The following KCND2 variants were observed in gnomAD, a reference collection of about 807,000 sequenced individuals.
The protein encoded by KCND2 is potassium voltage-gated channel subfamily D member 2.
KCND2 carries 16 observed loss-of-function variants against 54.4 expected under a neutral mutation model. The observed-to-expected ratio is 0.29, with a 90% CI of 0.20 to 0.45. The LOEUF is 0.45. Among genes scored for constraint, KCND2 ranks in the 20% least tolerant of loss-of-function variants. KCND2 has a pLI of 1.00. For synonymous variants in KCND2, 317 were observed against 310.7 expected (o/e 1.02, Z -0.21); for missense variants, 486 against 824.2 (o/e 0.59, Z 5.02).
rs532672151 is a variant in KCND2, at chr7:120,277,394, C to T, written c.1115+1647C>T. 2.6e-5 allele frequency among the ~76,000 whole-genome samples: 4 copies of T among 152,010 alleles called. No individual in the cohort carries two copies. In the South Asian group the frequency reaches 8.3e-4, roughly 32 times the overall value. On this transcript the variant is annotated intron_variant, in intron 1 of 5. Coordinates refer to ENST00000331113, the MANE Select transcript of KCND2 (RefSeq NM_012281.3). ...GTCTTGTCATTTTGTAGCAGGAGAT[C>T]CTTATTAAGGACAAATGGGTAGTGC...
chr7:120,506,714 G>A (rs1169976505), intron 1 of KCND2, among the ~76,000 whole-genome samples: 2 of 151,858 alleles, frequency 1.3e-5, no homozygotes, highest in African/African-American at 4.8e-5. Context: ...TAGGAAGCGA[G>A]TGATAAATAT....
intron 1 of KCND2, among the ~76,000 whole-genome samples, chr7:120,511,003 A>T (rs1250767112): frequency 7.8e-6 from 1 of 127,468 alleles, no homozygotes. Context: ...ACCTTTCCCC[A>T]TCTCTCTCTC....
At chr7:120,368,311 T>TAATG (rs1800716105) in intron 1 of KCND2, among the ~76,000 whole-genome samples, 2 of 152,084 alleles carry the variant, frequency 1.3e-5, no homozygotes, top group Non-Finnish European at 2.9e-5. Flanking sequence ...GTTTTTATTT[T>TAATG]TAATGTAAGT....
chr7:120,623,808 A>T (rs1459616215), intron 1 of KCND2, among the ~76,000 whole-genome samples: 1 of 152,220 alleles, frequency 6.6e-6, no homozygotes, highest in African/African-American at 2.4e-5. Flanking sequence ...CTGAAGAATT[A>T]CAAAAATGTG....
intron 1 of KCND2, among the ~76,000 whole-genome samples, chr7:120,390,523 A>G (rs1254676300): frequency 6.6e-6 from 1 of 151,948 alleles, no homozygotes; most frequent in Non-Finnish European, 1.5e-5. Flanking sequence ...GAGGGGATTG[A>G]GCCAAATCAC....
chr7:120,327,211 G>A (rs770297133), intron 1 of KCND2, among the ~76,000 whole-genome samples: 53 of 152,016 alleles, frequency 3.5e-4, no homozygotes, highest in Non-Finnish European at 6.2e-4. Flanking sequence ...TTTGAGTATA[G>A]TTACCCATGG....
intron 1 of KCND2, among the ~76,000 whole-genome samples, chr7:120,436,694 C>A (rs1200664228): frequency 6.6e-6 from 1 of 152,182 alleles, no homozygotes; most frequent in Non-Finnish European, 1.5e-5. Context: ...CCCACTGAGA[C>A]TTCCTGCTCT....
intron 1 of KCND2, among the ~76,000 whole-genome samples, chr7:120,677,722 C>T (rs762394722): frequency 1.3e-5 from 2 of 151,894 alleles, no homozygotes; most frequent in African/African-American, 2.4e-5. Flanking sequence ...TTTGAGACTT[C>T]GCCTCTGATG....
chr7:120,627,809 T>A (rs1005722935), intron 1 of KCND2, among the ~76,000 whole-genome samples: 5 of 151,826 alleles, frequency 3.3e-5, no homozygotes, highest in Non-Finnish European at 1.5e-5. Flanking sequence ...TTAGGTGAAT[T>A]TATAATACAT....
chr7:120,741,529 T>C lies in KCND2; in HGVS notation c.1279-5T>C, dbSNP rs760481401. 4 of 1,604,214 alleles carry C rather than the reference T, an allele frequency of 2.5e-6. No homozygotes were observed. The South Asian group carries it at 3.3e-5, about 13-fold the overall frequency. ...TTAATGGGATGTTTATTTTTTCTCCTATAGAAAGCTAGACTGGCCAGGATC... is the reference window on the plus strand; with the variant it reads ...TTAATGGGATGTTTATTTTTTCTCCCATAGAAAGCTAGACTGGCCAGGATC... On this transcript the variant is annotated splice_polypyrimidine_tract_variant and splice_region_variant and intron_variant, in intron 2 of 5. Transcript: ENST00000331113.
chr7:120,667,438 A>G (rs1414401379), intron 1 of KCND2, among the ~76,000 whole-genome samples: 3 of 152,034 alleles, frequency 2.0e-5, no homozygotes, highest in South Asian at 2.1e-4. Flanking sequence ...TTCATCTCCA[A>G]TAACTACAGT....
chr7:120,473,486 ATCT>A (rs1267253908), intron 1 of KCND2, among the ~76,000 whole-genome samples: 1 of 152,130 alleles, frequency 6.6e-6, no homozygotes, highest in Admixed American at 6.5e-5. Flanking sequence ...CTCAAATGTC[ATCT>A]TCTCAAAAAG....
chr7:120,652,723 T>C (rs760766261), intron 1 of KCND2, among the ~76,000 whole-genome samples: 2 of 152,150 alleles, frequency 1.3e-5, no homozygotes, highest in Non-Finnish European at 2.9e-5. Flanking sequence ...CTTCTAAGGT[T>C]TGTGTTTGGA....
At chr7:120,486,234 G>A (rs544807498) in intron 1 of KCND2, among the ~76,000 whole-genome samples, 1 of 152,132 alleles carries the variant, frequency 6.6e-6, no homozygotes, top group Non-Finnish European at 1.5e-5. Context: ...AGGTCAAAGA[G>A]AATGGGATGG....
chr7:120,412,419 A>G (rs981630404), intron 1 of KCND2, among the ~76,000 whole-genome samples: 1 of 152,020 alleles, frequency 6.6e-6, no homozygotes, highest in Non-Finnish European at 1.5e-5. Context: ...ATATCACTAT[A>G]CTTTATGAAA....
rs547914948 is a variant in KCND2 at position 120,477,509 on chromosome 7, A to C, written c.1115+201762A>C. On this transcript the variant is annotated intron_variant, in intron 1 of 5. Coordinates refer to ENST00000331113, the MANE Select transcript of KCND2 (RefSeq NM_012281.3). The stretch of plus-strand genomic sequence containing the variant: ...ATAATTTACAAAATCTATTGTAAAA[A>C]ATTACAAAGGGGGCACTCATCATAC... 5.9e-5 allele frequency among the ~76,000 whole-genome samples: 9 copies of C among 152,342 alleles called. No homozygotes were observed. In the East Asian group the frequency reaches 1.7e-3, roughly 29 times the overall value.
At chr7:120,690,299 G>GACAT (rs937222968) in intron 1 of KCND2, among the ~76,000 whole-genome samples, 1 of 152,028 alleles carries the variant, frequency 6.6e-6, no homozygotes, top group African/African-American at 2.4e-5. Flanking sequence ...TTAAAATAAA[G>GACAT]ACATACATAC....
intron 1 of KCND2, among the ~76,000 whole-genome samples, chr7:120,594,813 A>G (rs1451174083): frequency 6.6e-6 from 1 of 152,154 alleles, no homozygotes. Flanking sequence ...TGAAGTCAGG[A>G]GTTCGAGACC....
chr7:120,326,193 A>G (rs1799972137), intron 1 of KCND2, among the ~76,000 whole-genome samples: 1 of 152,096 alleles, frequency 6.6e-6, no homozygotes, highest in African/African-American at 2.4e-5. Context: ...AGGACTAATG[A>G]CGAATGTACC....
Sources: gnomAD v4.1 joint callset for allele counts (sites outside exome capture counted in the v4.1 genomes callset) on GRCh38, gnomAD v4.1.1 for gene constraint, MANE v1.5 for transcripts, NCBI Gene and HGNC (gene_info 2026-07-23, HGNC 2026-07-21) for gene names.